The following SAMD4A variants were observed in gnomAD, a reference collection of about 807,000 sequenced individuals.
SAMD4A encodes sterile alpha motif domain containing 4A.
Under a neutral mutation model 81.3 loss-of-function variants are expected in SAMD4A, and 33 were observed. That is an observed-to-expected ratio of 0.41 (90% CI 0.31 to 0.54). SAMD4A has a LOEUF of 0.54. Among genes scored for constraint, SAMD4A ranks in the 20% least tolerant of loss-of-function variants. The probability of loss-of-function intolerance (pLI) is 0.37; values close to 1 mark genes in which losing one functional copy is unlikely to be tolerated. For missense variants in SAMD4A, 854 were observed against 951.1 expected (o/e 0.90, Z 1.34); for synonymous variants, 389 against 382.1 (o/e 1.02, Z -0.21).
intron 2 of SAMD4A, among the ~76,000 whole-genome samples, chr14:54,610,426 C>T (rs2034323651): frequency 6.6e-6 from 1 of 152,186 alleles, no homozygotes; most frequent in Non-Finnish European, 1.5e-5. Flanking sequence ...TACCAGAGAC[C>T]TTACCAGCTA....
In SAMD4A at chr14:54,690,429, CT is replaced by C. The variant is rs376258542; in HGVS notation, c.197-11622del. On this transcript the variant is annotated intron_variant, in intron 2 of 12. Transcript: ENST00000554335. ...TGGTATAGTGATAATAGACTAAGCT[CT>C]TTTTTTTTTTCTGCCAAATAATGTG... Among the ~76,000 whole-genome samples, 273 of 147,320 alleles carry C rather than the reference CT, an allele frequency of 1.9e-3. 1 individual carries two copies. The highest frequency in any genetic ancestry group is 5.7e-3 in the African/African-American group (232 of 40,430).
chr14:54,631,058 G>A (rs1023606821), intron 2 of SAMD4A, among the ~76,000 whole-genome samples: 3 of 151,618 alleles, frequency 2.0e-5, no homozygotes, highest in African/African-American at 7.3e-5. Context: ...CCAGTCCAAG[G>A]GCTGATGGGC....
intron 4 of SAMD4A, among the ~76,000 whole-genome samples, chr14:54,737,542 C>CTTTT (rs758410575): frequency 2.3e-5 from 2 of 85,438 alleles, no homozygotes; most frequent in Admixed American, 1.4e-4. Flanking sequence ...CTCTCTCTCT[C>CTTTT]TTTTTTTTTT....
intron 11 of SAMD4A, among the ~76,000 whole-genome samples, chr14:54,777,425 G>C (rs116844034): frequency 2.6e-5 from 4 of 152,348 alleles, no homozygotes; most frequent in Non-Finnish European, 5.9e-5. Flanking sequence ...GTTACAGGCA[G>C]AAGGAACCCA....
intron 2 of SAMD4A, among the ~76,000 whole-genome samples, chr14:54,670,393 G>A (rs2035854505): frequency 6.6e-6 from 1 of 152,200 alleles, no homozygotes; most frequent in Non-Finnish European, 1.5e-5. Flanking sequence ...ATGGGCCCAG[G>A]TGACTTGCCT....
chr14:54,724,520 T>A (rs536411240), intron 3 of SAMD4A, among the ~76,000 whole-genome samples: 2 of 152,310 alleles, frequency 1.3e-5, no homozygotes, highest in African/African-American at 4.8e-5. Flanking sequence ...TGGTAGCTGA[T>A]GATATTGTGT....
upstream of SAMD4A, among the ~76,000 whole-genome samples, chr14:54,565,540 C>T (rs1484619465): frequency 6.6e-6 from 1 of 152,234 alleles, no homozygotes; most frequent in Non-Finnish European, 1.5e-5. This position sits in a 1 kb window ranked among gnomAD's most constrained non-coding sequence, Gnocchi z 5.4. Flanking sequence ...CCCTCAGCCT[C>T]GTGAACCCTT....
intron 2 of SAMD4A, among the ~76,000 whole-genome samples, chr14:54,660,832 C>G (rs1213810297): frequency 2.6e-5 from 4 of 152,176 alleles, no homozygotes; most frequent in Non-Finnish European, 4.4e-5. Context: ...ACTTGGTATC[C>G]AAGCATATCC....
chr14:54,607,697 G>A (rs1050030233), intron 2 of SAMD4A, among the ~76,000 whole-genome samples: 6 of 151,878 alleles, frequency 4.0e-5, no homozygotes, highest in African/African-American at 9.7e-5. Context: ...CTTGTGATCC[G>A]CCCGCCTCGG....
intron 4 of SAMD4A, among the ~76,000 whole-genome samples, chr14:54,737,523 A>G (rs942406971): frequency 7.2e-5 from 9 of 125,828 alleles, no homozygotes; most frequent in Non-Finnish European, 1.2e-4. Context: ...AGAGAGGTCA[A>G]CCCACTCTCT....
chr14:54,697,506 G>A (rs2036606082), intron 2 of SAMD4A, among the ~76,000 whole-genome samples: 1 of 152,254 alleles, frequency 6.6e-6, no homozygotes, highest in South Asian at 2.1e-4. Context: ...GCTAAATCAT[G>A]GTCCAAAGGT....
chr14:54,782,389 T>C (rs539786504), intron 11 of SAMD4A, among the ~76,000 whole-genome samples: 1 of 152,168 alleles, frequency 6.6e-6, no homozygotes, highest in Admixed American at 6.5e-5. Flanking sequence ...TTCTATTTTA[T>C]AGATTTCACA....
chr14:54,598,776 C>T (rs930756610), intron 2 of SAMD4A, among the ~76,000 whole-genome samples: 4 of 152,122 alleles, frequency 2.6e-5, no homozygotes, highest in Admixed American at 2.0e-4. Flanking sequence ...CTATCGGGAA[C>T]GTGTGTTATT....
At chr14:54,621,147 G>A (rs769953104) in intron 2 of SAMD4A, among the ~76,000 whole-genome samples, 16 of 152,092 alleles carry the variant, frequency 1.1e-4, no homozygotes, top group Non-Finnish European at 2.1e-4. Flanking sequence ...CCTTTAAGGC[G>A]AAGGTTTTGT....
At chr14:54,618,499 G>A (rs1477612707) in intron 2 of SAMD4A, among the ~76,000 whole-genome samples, 2 of 152,120 alleles carry the variant, frequency 1.3e-5, no homozygotes, top group Non-Finnish European at 2.9e-5. Context: ...GAAATCACAG[G>A]TTTAGCCAAA....
At chr14:54,566,389 CG>C (rs2032934847), upstream of SAMD4A, among the ~76,000 whole-genome samples, 1 of 151,828 alleles carries the variant, frequency 6.6e-6, no homozygotes, top group South Asian at 2.1e-4. Flanking sequence ...CTTCCCCCTC[CG>C]CCCGAGAAGT....
intron 2 of SAMD4A, among the ~76,000 whole-genome samples, chr14:54,602,357 CACACA>C: frequency 7.8e-6 from 1 of 127,988 alleles, no homozygotes; most frequent in Non-Finnish European, 1.7e-5. Flanking sequence ...CACACACACA[CACACA>C]CACACACACA....
At chr14:54,728,212 C>T (rs546423105) in intron 3 of SAMD4A, among the ~76,000 whole-genome samples, 1 of 152,198 alleles carries the variant, frequency 6.6e-6, no homozygotes, top group African/African-American at 2.4e-5. Flanking sequence ...AAGAACGGTA[C>T]GGTTTAAATG....
intron 2 of SAMD4A, among the ~76,000 whole-genome samples, chr14:54,660,100 C>CTTTT (rs2035607502): frequency 4.6e-5 from 7 of 151,936 alleles, no homozygotes; most frequent in African/African-American, 7.3e-5. Context: ...AAAAAAGGGC[C>CTTTT]TTTTGTCAAT....
Sources: allele counts gnomAD v4.1 joint callset (sites outside exome capture counted in the v4.1 genomes callset), GRCh38; gene constraint gnomAD v4.1.1; non-coding constraint Gnocchi (gnomAD v3.1); transcripts MANE v1.5; gene names NCBI Gene and HGNC (gene_info 2026-07-23, HGNC 2026-07-21).